Variants in TMEM63A observed in about 807,000 individuals in gnomAD.
The protein encoded by TMEM63A is mechanosensitive cation channel TMEM63A.
Under a neutral mutation model 100.6 loss-of-function variants are expected in TMEM63A, and 76 were observed. The observed-to-expected ratio is 0.76, with a 90% CI of 0.63 to 0.91. The LOEUF is 0.91. TMEM63A is among the 40% of genes least tolerant of loss of function. The probability of loss-of-function intolerance (pLI) is 0.00; values close to 1 mark genes in which losing one functional copy is unlikely to be tolerated. For missense variants in TMEM63A, 876 were observed against 1,008.8 expected (o/e 0.87, Z 1.78); for synonymous variants, 401 against 401.1 (o/e 1.00, Z 0.00).
chr1:225,849,126 C>T, intron 21 of TMEM63A, 114 bp from the exon 22 acceptor site: 1 of 793,498 alleles, frequency 1.3e-6, no homozygotes, highest in Non-Finnish European at 2.1e-6. Flanking sequence ...ACTTCTCCCT[C>T]AGGCAGAAAA....
chr1:225,877,329 A>C, intron 3 of TMEM63A, 66 bp downstream of exon 3: 2 of 1,510,678 alleles, frequency 1.3e-6, no homozygotes, highest in Admixed American at 2.0e-5. Context: ...GTTTCCCAGA[A>C]GGCCCTGGGT....
intron 19 of TMEM63A, among the ~76,000 whole-genome samples, 177 bp from the exon 20 acceptor site, chr1:225,852,946 T>C (rs559260550): frequency 6.6e-6 from 1 of 152,306 alleles, no homozygotes; most frequent in East Asian, 1.9e-4. Context: ...CTTCACTCAG[T>C]GCACCCAGCC....
intron 18 of TMEM63A, among the ~76,000 whole-genome samples, chr1:225,854,299 G>GGCT (rs1669502462): frequency 6.6e-6 from 1 of 152,234 alleles, no homozygotes; most frequent in Non-Finnish European, 1.5e-5. Context: ...CAGAAGACAA[G>GGCT]GCTGAAAGGG....
intron 9 of TMEM63A, 109 bp from the exon 10 acceptor site, chr1:225,866,076 G>C (rs1285526997): frequency 8.6e-7 from 1 of 1,163,454 alleles, no homozygotes; most frequent in Non-Finnish European, 1.3e-6. Context: ...CAGGAAATCA[G>C]AAGGCTCCAG....
At chr1:225,844,481 G>A, downstream of TMEM63A, 1 of 1,614,106 alleles carries the variant, frequency 6.2e-7, no homozygotes, top group Non-Finnish European at 8.5e-7. Flanking sequence ...GTGGGGCTTT[G>A]TGTTCTGCGT....
chr1:225,858,261 T>C (rs1370087143), intron 15 of TMEM63A, among the ~76,000 whole-genome samples: 1 of 152,028 alleles, frequency 6.6e-6, no homozygotes, highest in East Asian at 1.9e-4. Flanking sequence ...TTGGCTGTTA[T>C]CTCATTGATT....
intron 15 of TMEM63A, among the ~76,000 whole-genome samples, chr1:225,857,387 G>GGGGGGGCGGC (rs1669688116): frequency 8.4e-6 from 1 of 118,508 alleles, no homozygotes; most frequent in African/African-American, 3.7e-5. Context: ...GGCGGGGCGG[G>GGGGGGGCGGC]GGGGGGGGGG....
chr1:225,881,318 A>T (rs977278896), intron 1 of TMEM63A, among the ~76,000 whole-genome samples: 7 of 152,218 alleles, frequency 4.6e-5, no homozygotes, highest in African/African-American at 1.7e-4. Context: ...ACTTTCTCTC[A>T]CGGAGCTGTT....
In TMEM63A at chr1:225,860,995, A is replaced by C; in HGVS notation, c.1088T>G (p.Ile363Ser). The C allele has an allele frequency of 6.2e-7, 1 of 1,609,462 alleles. No homozygotes were observed. Among genetic ancestry groups the C allele is most frequent in the Non-Finnish European group, 8.5e-7 (1 of 1,177,704 alleles). ...TFQEKSMATY[I>S]LKDFNACKCQ... ...CTTGCAGGCATTGAAATCTTTCAGG[A>C]TGCTGCAAGGAAATGTAGCAACAGC... The change falls in exon 14 of 25, where the codon ATC becomes AGC. Residue 363 changes from isoleucine (I) to serine (S), a missense_variant and splice_region_variant. By Grantham distance (142) the Ile-to-Ser change is moderately radical (BLOSUM62 -2). This residue lies in a region of TMEM63A where 487 missense variants were observed against 581.9 expected (regional missense o/e 0.84). Coordinates refer to ENST00000366835, the MANE Select transcript of TMEM63A (RefSeq NM_014698.3).
At chr1:225,866,042 C>T in intron 9 of TMEM63A, 75 bp from the exon 10 acceptor site, 2 of 1,472,220 alleles carry the variant, frequency 1.4e-6, no homozygotes, top group Non-Finnish European at 9.4e-7. Context: ...TCCTACCCAA[C>T]TCCAGCCTCT....
At chr1:225,857,537 T>C (rs1407899029) in intron 15 of TMEM63A, among the ~76,000 whole-genome samples, 3 of 151,548 alleles carry the variant, frequency 2.0e-5, no homozygotes, top group African/African-American at 4.9e-5. Flanking sequence ...AACATAAAAA[T>C]AGAGAGAAAT....
At chr1:225,881,982 T>G (rs1671113315) in intron 1 of TMEM63A, among the ~76,000 whole-genome samples, 2 of 151,990 alleles carry the variant, frequency 1.3e-5, no homozygotes, top group Non-Finnish European at 2.9e-5. Flanking sequence ...GCTGCACTCC[T>G]AGTTAGGTGG....
intron 10 of TMEM63A, chr1:225,864,993 T>C (rs1670129197): frequency 2.0e-5 from 3 of 152,238 alleles, no homozygotes; most frequent in African/African-American, 4.8e-5. Flanking sequence ...TGGTGCCATG[T>C]GTCTGCAGTC....
At chr1:225,857,215 T>C (rs912399959) in intron 15 of TMEM63A, among the ~76,000 whole-genome samples, 198 bp from the exon 16 acceptor site, 16 of 152,222 alleles carry the variant, frequency 1.1e-4, no homozygotes, top group Non-Finnish European at 2.4e-4. Context: ...CAGCACCTTA[T>C]ATTTGTACAG....
intron 4 of TMEM63A, 84 bp downstream of exon 4, chr1:225,874,204 A>ACT (rs1670660532): frequency 2.3e-5 from 30 of 1,304,446 alleles, no homozygotes; most frequent in Non-Finnish European, 3.0e-5. Context: ...ATATATGCAC[A>ACT]CACGCACATA....
intron 1 of TMEM63A, among the ~76,000 whole-genome samples, chr1:225,881,873 G>A (rs1252636092): frequency 6.7e-6 from 1 of 149,236 alleles, no homozygotes. Flanking sequence ...GGTCACCCAG[G>A]AACAGCCCGA....
intron 9 of TMEM63A, 72 bp from the exon 10 acceptor site, chr1:225,866,039 C>G: frequency 2.7e-6 from 4 of 1,481,822 alleles, no homozygotes; most frequent in Non-Finnish European, 3.7e-6. Flanking sequence ...GTTTCCTACC[C>G]AACTCCAGCC....
chr1:225,848,789 G>C, intron 22 of TMEM63A, 108 bp downstream of exon 22: 1 of 965,558 alleles, frequency 1.0e-6, no homozygotes, highest in Non-Finnish European at 1.6e-6. Flanking sequence ...TCTGGAGAAG[G>C]CTGCTGCTGT....
intron 10 of TMEM63A, chr1:225,864,839 G>C (rs1422882513): frequency 2.0e-5 from 3 of 152,288 alleles, no homozygotes; most frequent in African/African-American, 7.2e-5. Context: ...AATGAAGAGA[G>C]GCCGGGCATG....
Sources: allele counts gnomAD v4.1 joint callset (sites outside exome capture counted in the v4.1 genomes callset), GRCh38; gene constraint gnomAD v4.1.1; regional missense constraint gnomAD v4.1.1; transcripts MANE v1.5; gene names NCBI Gene and HGNC (gene_info 2026-07-23, HGNC 2026-07-21).